ADGRA1: variants seen among roughly 807,000 people sequenced by gnomAD.
The protein encoded by ADGRA1 is adhesion G protein-coupled receptor A1, also known as G-protein coupled receptor 123.
A neutral mutation model predicts 21.3 loss-of-function variants in ADGRA1; 12 were observed. The observed-to-expected ratio is 0.56, with a 90% CI of 0.36 to 0.91. The LOEUF (loss-of-function observed/expected upper bound fraction) is 0.91, where lower values mean the gene tolerates loss of function less well. ADGRA1 is among the 40% of genes least tolerant of loss of function. The pLI, the probability that ADGRA1 is intolerant of heterozygous loss-of-function variation, is 0.01. For missense variants in ADGRA1, 790 were observed against 805.6 expected (o/e 0.98, Z 0.23); for synonymous variants, 385 against 368.8 (o/e 1.04, Z -0.50).
In ADGRA1 at chr10:133,113,030, G is replaced by A. The variant is rs148302853; in HGVS notation, c.401+10188G>A. ...GTCAGTTATTTGGGGTCTGCGGGCC[G>A]CGTCAGTTATTTGGGGTCTATAAGC... On this transcript the variant is annotated intron_variant, in intron 5 of 6. Coordinates refer to ENST00000392607, the MANE Select transcript of ADGRA1 (RefSeq NM_001083909.3). Among the ~76,000 whole-genome samples the A allele has an allele frequency of 6.6e-4, 96 of 145,800 alleles. 6 individuals are homozygous for A. The highest frequency in any genetic ancestry group is 1.1e-3 in the Non-Finnish European group (73 of 65,608).
intron 5 of ADGRA1, among the ~76,000 whole-genome samples, chr10:133,112,943 C>T (rs113742762): frequency 2.2e-4 from 27 of 121,256 alleles, no homozygotes; most frequent in African/African-American, 6.8e-4. Context: ...TTGAGGTCTG[C>T]GGGCTGTGTC....
intron 5 of ADGRA1, among the ~76,000 whole-genome samples, chr10:133,105,470 C>T (rs1031014336): frequency 4.6e-5 from 7 of 152,146 alleles, no homozygotes; most frequent in African/African-American, 1.4e-4. Flanking sequence ...AGAAAGCCCT[C>T]GCCATCCTGA....
At chr10:133,093,215 A>G in intron 2 of ADGRA1, 1 of 1,591,240 alleles carries the variant, frequency 6.3e-7, no homozygotes, top group East Asian at 2.2e-5. Flanking sequence ...GGCATTCCCC[A>G]GGTTTGAAGA....
At chr10:133,118,835 CT>C (rs1234913451) in intron 5 of ADGRA1, among the ~76,000 whole-genome samples, 21 of 152,184 alleles carry the variant, frequency 1.4e-4, no homozygotes, top group African/African-American at 4.6e-4. Flanking sequence ...GGAACTGAAC[CT>C]GTACCACCTC....
chr10:133,112,842 G>C (rs1852080984), intron 5 of ADGRA1, among the ~76,000 whole-genome samples: 1 of 146,282 alleles, frequency 6.8e-6, no homozygotes, highest in South Asian at 2.2e-4. Flanking sequence ...AGCTGTGTTG[G>C]TTATTGGAGG....
intron 2 of ADGRA1, among the ~76,000 whole-genome samples, chr10:133,095,954 A>C (rs1851681225): frequency 6.6e-6 from 1 of 152,146 alleles, no homozygotes; most frequent in South Asian, 2.1e-4. Flanking sequence ...AGGTGCAGCG[A>C]TCACCAGGGG....
intron 2 of ADGRA1, 139 bp from the exon 3 acceptor site, chr10:133,096,835 C>A: frequency 1.9e-6 from 2 of 1,065,540 alleles, no homozygotes; most frequent in Non-Finnish European, 2.7e-6. Flanking sequence ...CCCAGGCAGC[C>A]CCCCTTCCCT....
At chr10:133,119,606 C>T (rs149069310) in intron 5 of ADGRA1, among the ~76,000 whole-genome samples, 12 of 152,326 alleles carry the variant, frequency 7.9e-5, no homozygotes, top group Non-Finnish European at 1.0e-4. Flanking sequence ...GTAATGTCCA[C>T]GGCATCTTCA....
At chr10:133,090,341 G>A (rs1218232039) in intron 2 of ADGRA1, among the ~76,000 whole-genome samples, 7 of 152,242 alleles carry the variant, frequency 4.6e-5, no homozygotes, top group Non-Finnish European at 7.3e-5. Flanking sequence ...CCCGGTCCCA[G>A]CCGGCCTGGC....
intron 5 of ADGRA1, among the ~76,000 whole-genome samples, chr10:133,123,724 C>G (rs76078599): frequency 6.9e-6 from 1 of 145,728 alleles, no homozygotes; most frequent in Non-Finnish European, 1.5e-5. Context: ...TCCCCCCCCC[C>G]GGCACCTTCT....
chr10:133,101,345 C>T (rs1022346302), intron 4 of ADGRA1, among the ~76,000 whole-genome samples: 16 of 152,344 alleles, frequency 1.1e-4, no homozygotes, highest in South Asian at 2.1e-4. Context: ...AAGAGATGGC[C>T]GTGAGCCCCA....
chr10:133,127,073 TGGTCGGG>T (rs578214380), intron 5 of ADGRA1, among the ~76,000 whole-genome samples, 153 bp from the exon 6 acceptor site: 46 of 130,798 alleles, frequency 3.5e-4, no homozygotes, highest in East Asian at 1.9e-3. Context: ...GCTCGGTCAG[TGGTCGGG>T]GGTCGGGGGT....
Position 133,129,011 on chromosome 10 carries a change from G to T in ADGRA1, c.1183G>T (p.Asp395Tyr). ...GATGCACTGCGAGCCACTGACGGCG[G>T]ACGAGGCGCACGTGCACCTGCAGGA... is the stretch of plus-strand genomic sequence containing the variant. ...AKMHCEPLTA[D>Y]EAHVHLQEEG... is the part of the protein sequence containing the mutation. The change falls in exon 7 of 7, where the codon GAC (aspartate) becomes TAC (tyrosine). Residue 395 changes from aspartate to tyrosine, a missense_variant. Coordinates refer to ENST00000392607, the MANE Select transcript of ADGRA1 (RefSeq NM_001083909.3). The T allele has an allele frequency of 6.4e-7, 1 of 1,568,830 alleles. No individual in the cohort carries two copies. Among genetic ancestry groups the T allele is most frequent in the Non-Finnish European group, 8.6e-7 (1 of 1,156,870 alleles).
intron 5 of ADGRA1, among the ~76,000 whole-genome samples, chr10:133,116,718 C>T (rs1217101963): frequency 1.3e-5 from 2 of 152,036 alleles, no homozygotes; most frequent in African/African-American, 4.8e-5. Context: ...CAGGTGGAGC[C>T]GATGGAGCCC....
intron 2 of ADGRA1, among the ~76,000 whole-genome samples, chr10:133,091,643 C>G (rs1213633165): frequency 6.6e-6 from 1 of 152,214 alleles, no homozygotes; most frequent in African/African-American, 2.4e-5. Flanking sequence ...AGGGCTGACT[C>G]TTGGTCATCA....
intron 5 of ADGRA1, among the ~76,000 whole-genome samples, chr10:133,107,253 T>C (rs1363656683): frequency 1.3e-5 from 2 of 152,234 alleles, no homozygotes; most frequent in Admixed American, 1.3e-4. Context: ...TTCTTTAGTA[T>C]TTCCTGTATA....
intron 5 of ADGRA1, among the ~76,000 whole-genome samples, chr10:133,103,513 G>A (rs978879387): frequency 6.6e-6 from 1 of 152,216 alleles, no homozygotes; most frequent in Non-Finnish European, 1.5e-5. Flanking sequence ...CCAGCTGTTG[G>A]TCCCCATCCA....
At chr10:133,100,146 G>T (rs747041815) in intron 4 of ADGRA1, among the ~76,000 whole-genome samples, 1 of 152,242 alleles carries the variant, frequency 6.6e-6, no homozygotes, top group Non-Finnish European at 1.5e-5. Flanking sequence ...CTTCATGCCA[G>T]ACTGCCAGGA....
At chr10:133,117,548 G>A (rs1050222552) in intron 5 of ADGRA1, among the ~76,000 whole-genome samples, 51 of 152,312 alleles carry the variant, frequency 3.3e-4, no homozygotes, top group African/African-American at 1.2e-3. Flanking sequence ...TCACTAGCCC[G>A]GGCACCTGCT....
Sources: allele counts gnomAD v4.1 joint callset (sites outside exome capture counted in the v4.1 genomes callset), GRCh38; gene constraint gnomAD v4.1.1; transcripts MANE v1.5; gene names NCBI Gene and HGNC (gene_info 2026-07-23, HGNC 2026-07-21).